The following RTN1 variants were observed in gnomAD, a reference collection of about 807,000 sequenced individuals.
RTN1 encodes reticulon 1.
In RTN1, 25 loss-of-function variants were observed where a neutral mutation model predicts 65.5. The observed-to-expected ratio is 0.38, with a 90% CI of 0.28 to 0.53. The LOEUF is 0.53. Ranked by LOEUF, RTN1 falls within the 20% of genes least tolerant of loss-of-function variation. The pLI is 0.79. For synonymous variants in RTN1, 471 were observed against 447.6 expected (o/e 1.05, Z -0.66); for missense variants, 983 against 1,025.4 (o/e 0.96, Z 0.57).
At chr14:59,828,100 G>A (rs1416094658) in intron 1 of RTN1, among the ~76,000 whole-genome samples, 3 of 152,166 alleles carry the variant, frequency 2.0e-5, no homozygotes, top group Admixed American at 2.0e-4. Context: ...CTTAGCAAGC[G>A]CCAATCTTAC....
intron 3 of RTN1, among the ~76,000 whole-genome samples, chr14:59,634,005 C>T (rs528406369): frequency 1.3e-5 from 2 of 152,182 alleles, no homozygotes; most frequent in South Asian, 4.2e-4. Flanking sequence ...AAGCAGAGTT[C>T]CTACTTTATA....
chr14:59,598,370 C>A (rs1007529841), intron 8 of RTN1, among the ~76,000 whole-genome samples: 1 of 152,274 alleles, frequency 6.6e-6, no homozygotes. Context: ...GAAGGAAATA[C>A]AAGTTCTGGG....
intron 3 of RTN1, among the ~76,000 whole-genome samples, chr14:59,724,744 C>T (rs1302522641): frequency 7.9e-5 from 12 of 151,704 alleles, no homozygotes; most frequent in African/African-American, 2.9e-4. Context: ...AAAAAACAGC[C>T]TGGGGAAGGC....
intron 3 of RTN1, among the ~76,000 whole-genome samples, chr14:59,663,551 C>T (rs1364254475): frequency 6.6e-6 from 1 of 151,820 alleles, no homozygotes; most frequent in East Asian, 1.9e-4. Context: ...AGGCAATCTA[C>T]AGAATAGGAG....
chr14:59,827,669 T>G (rs1018756468), intron 1 of RTN1, among the ~76,000 whole-genome samples: 4 of 152,164 alleles, frequency 2.6e-5, no homozygotes, highest in African/African-American at 4.8e-5. Context: ...TCATTGCCTA[T>G]CCCTCACAAA....
intron 3 of RTN1, among the ~76,000 whole-genome samples, chr14:59,665,489 C>T (rs1883348033): frequency 6.6e-6 from 1 of 152,054 alleles, no homozygotes; most frequent in African/African-American, 2.4e-5. Flanking sequence ...GCAGAAACAT[C>T]CCAAATTGTA....
intron 1 of RTN1, among the ~76,000 whole-genome samples, chr14:59,856,141 T>C (rs1392290062): frequency 2.0e-5 from 3 of 152,202 alleles, no homozygotes; most frequent in Admixed American, 6.5e-5. Context: ...CCATGATCTC[T>C]AGTAAGACTG....
chr14:59,622,394 A>G (rs2140177556), intron 3 of RTN1, among the ~76,000 whole-genome samples: 2 of 152,340 alleles, frequency 1.3e-5, no homozygotes, highest in African/African-American at 4.8e-5. Flanking sequence ...GTTCCTGTTC[A>G]TTGATAATAT....
intron 1 of RTN1, among the ~76,000 whole-genome samples, chr14:59,865,283 G>T (rs1386849131): frequency 6.6e-6 from 1 of 152,086 alleles, no homozygotes; most frequent in Non-Finnish European, 1.5e-5. Flanking sequence ...ATCAATTTCA[G>T]CTTTTCTAGC....
At chr14:59,832,142 CA>C (rs1352724138) in intron 1 of RTN1, among the ~76,000 whole-genome samples, 6 of 151,880 alleles carry the variant, frequency 4.0e-5, no homozygotes, top group African/African-American at 1.5e-4. Context: ...GGATATGGAC[CA>C]AAAAAATGAA....
At chr14:59,648,099 G>A (rs1442900049) in intron 3 of RTN1, among the ~76,000 whole-genome samples, 1 of 152,134 alleles carries the variant, frequency 6.6e-6, no homozygotes, top group African/African-American at 2.4e-5. Flanking sequence ...TGACAAATGG[G>A]ATGTTACCAT....
intron 1 of RTN1, among the ~76,000 whole-genome samples, chr14:59,837,587 C>T (rs1887235647): frequency 6.6e-6 from 1 of 151,694 alleles, no homozygotes; most frequent in Non-Finnish European, 1.5e-5. Flanking sequence ...TCAAGAGAAA[C>T]ACTCCAATAG....
Position 59,794,099 on chromosome 14 carries a change from T to A in RTN1, c.242-47618A>T, listed in dbSNP as rs751691125. ...AGTGATGCTGACTGGCTTAAGTTGA[T>A]CAGAATGGTACCATCTCCTTTACCA... On this transcript the variant is annotated intron_variant, in intron 1 of 8. Transcript: ENST00000267484. The surrounding 1 kb of genome is among the most constrained non-coding windows in gnomAD (Gnocchi z 5.1). Among the ~76,000 whole-genome samples, 2 of 152,162 alleles carry A rather than the reference T, an allele frequency of 1.3e-5. No individual in the cohort carries two copies. The highest frequency in any genetic ancestry group is 2.9e-5 in the Non-Finnish European group (2 of 68,032).
At chr14:59,731,729 T>A (rs1884900797) in intron 2 of RTN1, among the ~76,000 whole-genome samples, 2 of 152,194 alleles carry the variant, frequency 1.3e-5, no homozygotes, top group Admixed American at 6.5e-5. Flanking sequence ...TTCTCAACAG[T>A]ATTTGACACA....
At chr14:59,639,512 T>C (rs150857407) in intron 3 of RTN1, among the ~76,000 whole-genome samples, 3,183 of 152,338 alleles carry the variant, frequency 0.021, 42 homozygotes, top group Non-Finnish European at 0.031. Flanking sequence ...TTCCAATCTT[T>C]GTACTTTTAT....
chr14:59,670,161 A>C (rs1883472263), intron 3 of RTN1, among the ~76,000 whole-genome samples: 1 of 152,236 alleles, frequency 6.6e-6, no homozygotes, highest in African/African-American at 2.4e-5. Flanking sequence ...TGCCTAGTGC[A>C]ATAGTGTAGT....
At chr14:59,810,730 A>G (rs1886714003) in intron 1 of RTN1, among the ~76,000 whole-genome samples, 2 of 152,204 alleles carry the variant, frequency 1.3e-5, no homozygotes, top group Admixed American at 1.3e-4. Context: ...ATCTGAACAG[A>G]ATCTTCAATA....
intron 1 of RTN1, among the ~76,000 whole-genome samples, chr14:59,850,291 C>T (rs1887481539): frequency 6.6e-6 from 1 of 152,154 alleles, no homozygotes. Context: ...ATAGCTTAGC[C>T]TCATCTATCT....
intron 5 of RTN1, chr14:59,604,593 T>C (rs575593494): frequency 6.6e-6 from 1 of 152,454 alleles, no homozygotes; most frequent in East Asian, 1.9e-4. Context: ...GTAAAGCATT[T>C]TGAGGGTCAA....
Sources: gnomAD v4.1 joint callset for allele counts (sites outside exome capture counted in the v4.1 genomes callset) on GRCh38, gnomAD v4.1.1 for gene constraint, Gnocchi (gnomAD v3.1) non-coding constraint, MANE v1.5 for transcripts, NCBI Gene and HGNC (gene_info 2026-07-23, HGNC 2026-07-21) for gene names.